Variants in SLC67A1 observed in about 807,000 individuals in gnomAD.
SLC67A1 encodes the protein solute carrier family 67 member A1.
the SLC67A1 span, among the ~76,000 whole-genome samples, chr11:2,912,957 A>G: frequency 4.6e-5 from 7 of 152,130 alleles, no homozygotes; most frequent in Non-Finnish European, 1.0e-4. Flanking sequence ...CCAAGAAAAA[A>G]CAAGGAGCCA....
the SLC67A1 span, chr11:2,919,744 T>C: frequency 3.0e-6 from 1 of 329,394 alleles, no homozygotes. Flanking sequence ...GCAGGGTCCT[T>C]GGCAGATGAG....
the SLC67A1 span, chr11:2,909,525 G>GGA: frequency 2.5e-6 from 2 of 795,082 alleles, no homozygotes; most frequent in Non-Finnish European, 3.7e-6. Flanking sequence ...GTCAGGGGGG[G>GGA]AAGGGCCCCA....
chr11:2,901,916 C>T, the SLC67A1 span, among the ~76,000 whole-genome samples: 22 of 152,224 alleles, frequency 1.4e-4, 1 homozygote, highest in Non-Finnish European at 5.9e-5. Flanking sequence ...CCCTGCCTCC[C>T]CTCCATTCTC....
the SLC67A1 span, chr11:2,908,426 ACCGGACCCC>A: frequency 1.1e-6 from 1 of 888,132 alleles, no homozygotes; most frequent in Non-Finnish European, 1.7e-6. Context: ...CTGACCCCAC[ACCGGACCCC>A]CCTGGGATGA....
At chr11:2,901,480 T>C in the SLC67A1 span, among the ~76,000 whole-genome samples, 1 of 152,084 alleles carries the variant, frequency 6.6e-6, no homozygotes, top group African/African-American at 2.4e-5. Flanking sequence ...GGGGAGGAGG[T>C]GGGGCAGGAG....
the SLC67A1 span, chr11:2,909,884 GGGCT>G: frequency 1.5e-6 from 1 of 674,352 alleles, no homozygotes; most frequent in Non-Finnish European, 2.3e-6. Flanking sequence ...CTGACCTCCC[GGGCT>G]GGCTGGCCCT....
At chr11:2,922,615 G>A in the SLC67A1 span, 1 of 1,565,276 alleles carries the variant, frequency 6.4e-7, no homozygotes, top group Admixed American at 1.7e-5. Context: ...GCTACCCGGT[G>A]GGGATGGGGT....
chr11:2,922,355 G>T, the SLC67A1 span: 2 of 1,565,900 alleles, frequency 1.3e-6, no homozygotes, highest in Middle Eastern at 1.7e-4. Flanking sequence ...CAGTCAGGGT[G>T]GGGAGGGACA....
At chr11:2,900,066 C>T in the SLC67A1 span, among the ~76,000 whole-genome samples, 1 of 152,068 alleles carries the variant, frequency 6.6e-6, no homozygotes, top group African/African-American at 2.4e-5. Context: ...TGTCACCCAC[C>T]CCCACCTTAC....
chr11:2,909,787 G>A, the SLC67A1 span: 4 of 1,365,390 alleles, frequency 2.9e-6, no homozygotes, highest in Non-Finnish European at 3.8e-6. Flanking sequence ...GCCTCCTCTT[G>A]GCCTCGGTTT....
At chr11:2,922,031 G>C in the SLC67A1 span, 4 of 1,170,066 alleles carry the variant, frequency 3.4e-6, no homozygotes, top group Admixed American at 5.1e-5. Context: ...AGCTTTGGGG[G>C]CTGGCCACAG....
At chr11:2,921,868 T>C in the SLC67A1 span, 1 of 563,766 alleles carries the variant, frequency 1.8e-6, no homozygotes, top group Middle Eastern at 4.7e-4. Flanking sequence ...CCTTCCTCCC[T>C]TGTGGAGAGG....
chr11:2,919,786 C>T, the SLC67A1 span: 10 of 215,594 alleles, frequency 4.6e-5, no homozygotes, highest in African/African-American at 9.2e-5. Flanking sequence ...GTTAGACCAG[C>T]GTGGGCCCCT....
At chr11:2,903,534 C>CCG in the SLC67A1 span, 1 of 1,603,656 alleles carries the variant, frequency 6.2e-7, no homozygotes, top group South Asian at 1.1e-5. Context: ...CAGGGCTGAA[C>CCG]CGCTGTTCCT....
At chr11:2,913,295 G>A in the SLC67A1 span, among the ~76,000 whole-genome samples, 2 of 152,150 alleles carry the variant, frequency 1.3e-5, no homozygotes, top group African/African-American at 4.8e-5. Flanking sequence ...CAGGCAGCAG[G>A]CCCCGCTGAG....
the SLC67A1 span, chr11:2,903,463 C>T: frequency 3.1e-6 from 5 of 1,613,340 alleles, no homozygotes; most frequent in East Asian, 2.2e-5. Context: ...ACTTACCTGC[C>T]TCTTCATGCA....
the SLC67A1 span, chr11:2,922,572 G>A: frequency 1.4e-5 from 23 of 1,608,560 alleles, no homozygotes; most frequent in Admixed American, 8.4e-5. Flanking sequence ...TGTGGCCAGC[G>A]AGTGGAGCAG....
chr11:2,924,891 G>A, the SLC67A1 span: 51 of 851,108 alleles, frequency 6.0e-5, no homozygotes, highest in South Asian at 4.0e-4. This position sits in a 1 kb window ranked among gnomAD's most constrained non-coding sequence, Gnocchi z 8.6. Context: ...TGCAAGGTGC[G>A]GACTGCGCCG....
chr11:2,909,768 C>A, the SLC67A1 span: 2 of 1,387,240 alleles, frequency 1.4e-6, no homozygotes, highest in Non-Finnish European at 9.3e-7. Context: ...GCTGGGTCGG[C>A]CCCGCCCCGC....
Sources: gnomAD v4.1 joint callset for allele counts (sites outside exome capture counted in the v4.1 genomes callset) on GRCh38, gnomAD v4.1.1 for gene constraint, Gnocchi (gnomAD v3.1) non-coding constraint, MANE v1.5 for transcripts, NCBI Gene and HGNC (gene_info 2026-07-23, HGNC 2026-07-21) for gene names.